The following ORC1 variants were observed in gnomAD, a reference collection of about 807,000 sequenced individuals.
The protein encoded by ORC1 is origin recognition complex subunit 1, also known as origin recognition complex, subunit 1 homolog.
A neutral mutation model predicts 98.9 loss-of-function variants in ORC1; 61 were observed. The observed-to-expected ratio is 0.62, with a 90% CI of 0.50 to 0.76. ORC1 has a LOEUF of 0.76. ORC1 is among the 30% of genes least tolerant of loss of function. ORC1 has a pLI of 0.00. For synonymous variants in ORC1, 385 were observed against 406.9 expected, an observed-to-expected ratio of 0.95 and a Z score of 0.65; for missense variants, 979 against 1,072.2, an observed-to-expected ratio of 0.91 and a Z score of 1.21.
At chr1:52,383,286 T>G (rs1436834920) in intron 13 of ORC1, 134 bp downstream of exon 13, 1 of 959,904 alleles carries the variant, frequency 1.0e-6, no homozygotes, top group Non-Finnish European at 1.7e-6. Context: ...TGACCTCAAG[T>G]GATCCGCCCG....
rs190970869 is a variant in ORC1 at position 52,389,904 on chromosome 1, T to G, written c.1083-583A>C. 6.1e-4 allele frequency among the ~76,000 whole-genome samples: 93 copies of G among 152,184 alleles called. 1 individual carries two copies. The East Asian group carries it at 0.014, about 22-fold the overall frequency. On this transcript the variant is annotated intron_variant, in intron 6 of 16. Coordinates refer to ENST00000371568, the MANE Select transcript of ORC1 (RefSeq NM_004153.4). ...AGAGCAATCAGAAAAGAGAAAGAAA[T>G]AAAGGGCATCCGAATTAAAAAAGAG...
intron 6 of ORC1, 23 bp from the exon 7 acceptor site, chr1:52,389,344 C>T: frequency 5.7e-6 from 9 of 1,586,770 alleles, no homozygotes; most frequent in Non-Finnish European, 7.8e-6. Flanking sequence ...ACAGCGAGGT[C>T]ACGGGAAGCA....
rs753808168 is a variant in ORC1, at chr1:52,373,132, A to G, written c.*49T>C. On this transcript the variant is annotated 3_prime_UTR_variant, in exon 17 of 17. Coordinates refer to ENST00000371568, the MANE Select transcript of ORC1 (RefSeq NM_004153.4). Reference sequence around the variant, plus strand: ...GGGCGACAGAGCAAGACCCTGTCTCAAAAAACAAAACCCAGCAAGACCCCA... The same window carrying G: ...GGGCGACAGAGCAAGACCCTGTCTCGAAAAACAAAACCCAGCAAGACCCCA... 2.4e-5 allele frequency: 38 copies of G among 1,594,438 alleles called. No individual in the cohort carries two copies. The highest frequency in any genetic ancestry group is 3.2e-5 in the Non-Finnish European group (37 of 1,163,820).
intron 5 of ORC1, among the ~76,000 whole-genome samples, chr1:52,394,965 G>C (rs1173615228): frequency 6.6e-6 from 1 of 152,228 alleles, no homozygotes; most frequent in African/African-American, 2.4e-5. Flanking sequence ...CTTAATTTCT[G>C]AAGGTGATAT....
At chr1:52,388,678 G>T in intron 7 of ORC1, 41 bp from the exon 8 acceptor site, 1 of 1,537,120 alleles carries the variant, frequency 6.5e-7, no homozygotes. Context: ...CAGTGTTCAA[G>T]TCTAAATAAG....
chr1:52,404,569 T>G (rs1422879747), upstream of ORC1: 1 of 569,360 alleles, frequency 1.8e-6, no homozygotes, highest in Non-Finnish European at 3.0e-6. Flanking sequence ...CCATCATTGA[T>G]TCGATAGGCG....
At chr1:52,405,517 C>G (rs1324469887), upstream of ORC1, among the ~76,000 whole-genome samples, 3 of 152,186 alleles carry the variant, frequency 2.0e-5, no homozygotes, top group Non-Finnish European at 4.4e-5. Flanking sequence ...ATTATCCATT[C>G]TCAATGTATA....
rs1647172537 is a variant in ORC1, at chr1:52,388,484, C to T, written c.1341G>A (p.Leu447=). The change falls in exon 8 of 17, where the codon TTG becomes TTA. Residue 447 remains leucine (L), a synonymous_variant. Transcript: ENST00000371568. ...RTVSRNLRSS[L]KSSLHTLTKV... is the part of the protein sequence containing the mutation. ...TCGTGAGGGTATGTAAGGATGACTTCAAGGAAGATCGCAGGTTCCTGGACA... is the reference window on the plus strand; with the variant it reads ...TCGTGAGGGTATGTAAGGATGACTTTAAGGAAGATCGCAGGTTCCTGGACA... The T allele has an allele frequency of 6.2e-7, 1 of 1,614,146 alleles. No individual in the cohort carries two copies. Among genetic ancestry groups the T allele is most frequent in the Non-Finnish European group, 8.5e-7 (1 of 1,180,032 alleles).
chr1:52,381,929 T>C (rs1416560098), intron 13 of ORC1, among the ~76,000 whole-genome samples, 168 bp from the exon 14 acceptor site: 3 of 152,178 alleles, frequency 2.0e-5, no homozygotes, highest in African/African-American at 7.2e-5. Flanking sequence ...AGTGGTGTCC[T>C]GTAGGGCAGT....
At chr1:52,381,829 C>G in intron 13 of ORC1, 68 bp from the exon 14 acceptor site, 1 of 1,549,974 alleles carries the variant, frequency 6.5e-7, no homozygotes, top group Non-Finnish European at 8.9e-7. Flanking sequence ...TGGAAAGTCA[C>G]CCTTGGGCCC....
At chr1:52,373,418 C>G (rs780658089) in intron 16 of ORC1, 43 bp from the exon 17 acceptor site, 4 of 1,543,090 alleles carry the variant, frequency 2.6e-6, no homozygotes, top group South Asian at 1.1e-5. Flanking sequence ...GAAATACAAT[C>G]CTGGGGCTTT....
chr1:52,402,102 G>A, intron 2 of ORC1, 27 bp downstream of exon 2: 2 of 1,542,014 alleles, frequency 1.3e-6, no homozygotes, highest in Non-Finnish European at 1.8e-6. Flanking sequence ...TGTATTTCCA[G>A]GACAACCAAA....
intron 6 of ORC1, among the ~76,000 whole-genome samples, chr1:52,390,902 A>G (rs1165989787): frequency 1.7e-5 from 2 of 115,964 alleles, no homozygotes; most frequent in African/African-American, 1.1e-4. Flanking sequence ...CCAAAAAAAG[A>G]AAAAAAAAAA....
upstream of ORC1, chr1:52,408,974 A>G: frequency 4.0e-6 from 1 of 253,018 alleles, no homozygotes; most frequent in East Asian, 8.1e-5. Flanking sequence ...CTCCATCCCA[A>G]AAGATCTAGC....
chr1:52,383,859 G>C lies in ORC1; in HGVS notation c.1834C>G (p.Gln612Glu). ...AKQFCTRGSP[Q>E]ETTVLLVDEL... The stretch of plus-strand genomic sequence containing the variant: ...TCCACAAGCAGGACGGTGGTTTCCT[G>C]AGGTGACCCTCGGGTGCAGAATTGC... Residue 612 changes from glutamine (Q) to glutamate (E), a missense_variant, in exon 12 of 17, where the codon CAG becomes GAG. Coordinates refer to ENST00000371568, the MANE Select transcript of ORC1 (RefSeq NM_004153.4). 3 of 1,614,138 alleles carry C rather than the reference G, an allele frequency of 1.9e-6. No individual in the cohort carries two copies. The highest frequency in any genetic ancestry group is 2.5e-6 in the Non-Finnish European group (3 of 1,180,020).
At chr1:52,381,983 C>G (rs1569916173) in intron 13 of ORC1, among the ~76,000 whole-genome samples, 1 of 151,340 alleles carries the variant, frequency 6.6e-6, no homozygotes, top group East Asian at 1.9e-4. Context: ...ACCTTTGATT[C>G]TTTTTTTTTC....
chr1:52,377,099 T>G (rs1046900655), intron 14 of ORC1, among the ~76,000 whole-genome samples: 1 of 152,164 alleles, frequency 6.6e-6, no homozygotes, highest in Admixed American at 6.5e-5. Context: ...CTCAGCTTAC[T>G]GCAACCTCCA....
At chr1:52,405,456 T>TA (rs1476760714), upstream of ORC1, among the ~76,000 whole-genome samples, 3 of 152,250 alleles carry the variant, frequency 2.0e-5, no homozygotes, top group Non-Finnish European at 4.4e-5. Context: ...CATGACTTGT[T>TA]AAAAAAGGTT....
At chr1:52,379,082 A>G (rs1647029946) in intron 14 of ORC1, among the ~76,000 whole-genome samples, 1 of 152,062 alleles carries the variant, frequency 6.6e-6, no homozygotes, top group African/African-American at 2.4e-5. Flanking sequence ...AAAGACATGG[A>G]AGAGTAGCGG....
Sources: gnomAD v4.1 joint callset for allele counts (sites outside exome capture counted in the v4.1 genomes callset) on GRCh38, gnomAD v4.1.1 for gene constraint, MANE v1.5 for transcripts, NCBI Gene and HGNC (gene_info 2026-07-23, HGNC 2026-07-21) for gene names.